The following SRPK2 variants were observed in gnomAD, a reference collection of about 807,000 sequenced individuals.
SRPK2 encodes SRSF protein kinase 2, also known as SFRS protein kinase 2.
Under a neutral mutation model 90.8 loss-of-function variants are expected in SRPK2, and 21 were observed. That is an observed-to-expected ratio of 0.23 (90% CI 0.16 to 0.33). The LOEUF is 0.33. SRPK2 is among the 10% of genes least tolerant of loss of function. SRPK2 has a pLI of 1.00. For missense variants in SRPK2, 620 were observed against 869.0 expected (o/e 0.71, Z 3.60); for synonymous variants, 288 against 311.1 (o/e 0.93, Z 0.78).
At chr7:105,309,918 T>C (rs1251102449) in intron 2 of SRPK2, among the ~76,000 whole-genome samples, 1 of 151,870 alleles carries the variant, frequency 6.6e-6, no homozygotes, top group Non-Finnish European at 1.5e-5. Flanking sequence ...CATAAGCCAG[T>C]AGAGGAGAAA....
At position 105,350,529 on chromosome 7, in the gene SRPK2, C is replaced by CTT. The variant is rs71152961; in HGVS notation, c.71+38117_71+38118dup. Reference sequence around the variant, plus strand: ...CCCTGTGGTTGCTACAATTTTTTTTCTTTTTTTTTTTTTTTTGAGACGGAA... The same window carrying CTT: ...CCCTGTGGTTGCTACAATTTTTTTTCTTTTTTTTTTTTTTTTTTGAGACGGAA... On this transcript the variant is annotated intron_variant, in intron 2 of 15. Coordinates refer to ENST00000393651, the MANE Select transcript of SRPK2 (RefSeq NM_182692.3). Among the ~76,000 whole-genome samples, 706 of 127,274 alleles carry CTT rather than the reference C, an allele frequency of 5.5e-3. 8 individuals carry two copies. Among genetic ancestry groups the CTT allele is most frequent in the Middle Eastern group, 0.017 (4 of 234 alleles). The allele number at this position is 127,274 out of a possible 152,430, so 83.5% of individuals were successfully genotyped here.
At chr7:105,242,372 G>A (rs1410307113) in intron 2 of SRPK2, among the ~76,000 whole-genome samples, 1 of 151,986 alleles carries the variant, frequency 6.6e-6, no homozygotes, top group Non-Finnish European at 1.5e-5. Context: ...GTTATCCGGG[G>A]GTGGTGGTGC....
upstream of SRPK2, among the ~76,000 whole-genome samples, chr7:105,393,381 C>G (rs1304998717): frequency 6.6e-6 from 1 of 151,980 alleles, no homozygotes; most frequent in Non-Finnish European, 1.5e-5. Context: ...ATCCGCCCAC[C>G]TTGGCCTCCC....
Position 105,235,062 on chromosome 7 carries a change from A to C in SRPK2, c.72-31277T>G, listed in dbSNP as rs1585287851. 2.7e-5 allele frequency among the ~76,000 whole-genome samples: 4 copies of C among 145,612 alleles called. No homozygotes were observed. The Admixed American group carries it at 2.8e-4, about 10-fold the overall frequency. On this transcript the variant is annotated intron_variant, in intron 2 of 15. Transcript: ENST00000393651. ...GTTAGCGTATCTTATGTGTGGCCCAAGCCAATTCTTCTTCTTCCAATGTGG... is the reference window on the plus strand; with the variant it reads ...GTTAGCGTATCTTATGTGTGGCCCACGCCAATTCTTCTTCTTCCAATGTGG...
At chr7:105,155,356 C>T (rs1210236761) in intron 7 of SRPK2, among the ~76,000 whole-genome samples, 2 of 152,204 alleles carry the variant, frequency 1.3e-5, no homozygotes, top group Non-Finnish European at 2.9e-5. Context: ...AGGAAACAGA[C>T]TCACAGAGGC....
intron 2 of SRPK2, among the ~76,000 whole-genome samples, chr7:105,276,352 T>C (rs981928509): frequency 4.0e-5 from 6 of 151,752 alleles, no homozygotes; most frequent in Admixed American, 1.3e-4. Context: ...AGTGCCAGGA[T>C]TGAAGGCATG....
chr7:105,187,796 T>C (rs375650306), intron 3 of SRPK2, among the ~76,000 whole-genome samples: 9 of 152,286 alleles, frequency 5.9e-5, no homozygotes, highest in Admixed American at 2.6e-4. Flanking sequence ...GAAGAGGCCA[T>C]TGACAGGATC....
At chr7:105,305,449 T>A (rs1315944359) in intron 2 of SRPK2, among the ~76,000 whole-genome samples, 1 of 151,916 alleles carries the variant, frequency 6.6e-6, no homozygotes, top group Non-Finnish European at 1.5e-5. Flanking sequence ...ACAAAAAAAA[T>A]TTTCTGCTGC....
intron 2 of SRPK2, among the ~76,000 whole-genome samples, chr7:105,368,177 T>C (rs1248374724): frequency 3.3e-5 from 5 of 152,184 alleles, no homozygotes; most frequent in African/African-American, 9.6e-5. Flanking sequence ...TTGTAGCTAC[T>C]GAAAAATAAA....
intron 2 of SRPK2, among the ~76,000 whole-genome samples, chr7:105,277,199 C>T (rs964289914): frequency 2.0e-5 from 3 of 152,108 alleles, no homozygotes; most frequent in African/African-American, 7.2e-5. Flanking sequence ...GTCTCAGCCT[C>T]CCGAGTAGCT....
At chr7:105,118,571 C>T (rs983167693) in intron 15 of SRPK2, among the ~76,000 whole-genome samples, 2 of 152,012 alleles carry the variant, frequency 1.3e-5, no homozygotes, top group South Asian at 2.1e-4. Context: ...AAATGGCCTA[C>T]GAGCTGTAAT....
chr7:105,395,604 C>T (rs1822300287), intron 1 of SRPK2, among the ~76,000 whole-genome samples: 1 of 152,062 alleles, frequency 6.6e-6, no homozygotes, highest in Admixed American at 6.6e-5. Flanking sequence ...GTTGTGCACC[C>T]CTGTAATCCC....
chr7:105,320,370 G>T lies in SRPK2; in HGVS notation c.71+68278C>A, dbSNP rs566636420. On this transcript the variant is annotated intron_variant, in intron 2 of 15. Transcript: ENST00000393651. ...AAAGAGGAACTACATCTTCAAAATG[G>T]ACACAATTTATGTGAAACAAAATAT... Among the ~76,000 whole-genome samples the T allele has an allele frequency of 7.2e-5, 11 of 152,222 alleles. No homozygotes were observed. The South Asian group carries it at 2.3e-3, about 32-fold the overall frequency.
At chr7:105,333,909 T>C (rs924843194) in intron 2 of SRPK2, among the ~76,000 whole-genome samples, 2 of 152,154 alleles carry the variant, frequency 1.3e-5, no homozygotes, top group Non-Finnish European at 2.9e-5. Flanking sequence ...ATGATGTTTC[T>C]GAGTTTGTTT....
At chr7:105,356,571 T>C (rs1238436059) in intron 2 of SRPK2, among the ~76,000 whole-genome samples, 6 of 152,162 alleles carry the variant, frequency 3.9e-5, no homozygotes, top group Admixed American at 1.3e-4. Context: ...TTGTAGCTAA[T>C]ATAGTGAGTA....
At chr7:105,181,905 A>AC (rs1316795840) in intron 3 of SRPK2, among the ~76,000 whole-genome samples, 7 of 128,902 alleles carry the variant, frequency 5.4e-5, no homozygotes, top group South Asian at 2.5e-4. Context: ...AACAGAAAAC[A>AC]CACACACAAA....
chr7:105,117,447 A>C lies in SRPK2; in HGVS notation c.*391T>G, dbSNP rs1198788263. 1.6e-5 allele frequency: 3 copies of C among 190,120 alleles called. No individual in the cohort carries two copies. The highest frequency in any genetic ancestry group is 3.2e-5 in the Non-Finnish European group (3 of 93,336). 11.8% of individuals were successfully genotyped at this position (190,120 alleles called of 1,614,324 possible). ...GCTATTTCTTGGTTCCAACTTGATAATTTCTTAAGATTGTAAATTATATAG... is the reference window on the plus strand; with the variant it reads ...GCTATTTCTTGGTTCCAACTTGATACTTTCTTAAGATTGTAAATTATATAG... On this transcript the variant is annotated 3_prime_UTR_variant, in exon 16 of 16. Coordinates refer to ENST00000393651, the MANE Select transcript of SRPK2 (RefSeq NM_182692.3).
chr7:105,335,617 A>T (rs1815003275), intron 2 of SRPK2, among the ~76,000 whole-genome samples: 1 of 148,246 alleles, frequency 6.7e-6, no homozygotes, highest in Non-Finnish European at 1.5e-5. Context: ...GTGCCACTGC[A>T]CTCCAGCCCG....
At chr7:105,268,727 C>G in intron 2 of SRPK2, 1 of 1,505,684 alleles carries the variant, frequency 6.6e-7, no homozygotes, top group Non-Finnish European at 9.1e-7. Flanking sequence ...GCAAACTTGA[C>G]AAGAAAAAAA....
Sources: allele counts gnomAD v4.1 joint callset (sites outside exome capture counted in the v4.1 genomes callset), GRCh38; gene constraint gnomAD v4.1.1; transcripts MANE v1.5; gene names NCBI Gene and HGNC (gene_info 2026-07-23, HGNC 2026-07-21).